FANCC: variants seen among roughly 807,000 people sequenced by gnomAD.
FANCC encodes the protein Fanconi anemia group C protein.
In FANCC, 55 loss-of-function variants were observed where a neutral mutation model predicts 71.3. That is an observed-to-expected ratio of 0.77 (90% CI 0.62 to 0.97). FANCC has a LOEUF of 0.97. Ranked by LOEUF, FANCC falls within the 50% of genes least tolerant of loss-of-function variation. The probability of loss-of-function intolerance (pLI) is 0.00; values close to 1 mark genes in which losing one functional copy is unlikely to be tolerated. For synonymous variants in FANCC, 275 were observed against 244.9 expected (o/e 1.12, Z -1.15); for missense variants, 678 against 670.9 (o/e 1.01, Z -0.12).
At position 95,317,309 on chromosome 9, in the gene FANCC, T is replaced by TCCCGCC. The variant is rs1554876563; in HGVS notation, c.-79+216_-79+217insGGCGGG. 6,554 of 29,962 alleles carry TCCCGCC rather than the reference T, an allele frequency of 0.22. 305 individuals are homozygous for TCCCGCC. Among genetic ancestry groups the TCCCGCC allele is most frequent in the African/African-American group, 0.36 (3,925 of 10,918 alleles). 1.9% of individuals were successfully genotyped at this position (29,962 alleles called of 1,614,324 possible). A position where few individuals can be genotyped will look rare whatever the true frequency, so the allele number is the denominator to read the frequency against. ...CCGCGGGCTGGCACCGCCCGCCACC[T>TCCCGCC]TCCGCCTCCCGCCTCCCGCCTCCCG... On this transcript the variant is annotated intron_variant, in intron 1 of 14. Coordinates refer to ENST00000289081, the MANE Select transcript of FANCC (RefSeq NM_000136.3).
chr9:95,193,341 A>G (rs1827225322), intron 4 of FANCC, among the ~76,000 whole-genome samples: 1 of 152,126 alleles, frequency 6.6e-6, no homozygotes, highest in South Asian at 2.1e-4. Flanking sequence ...CCCAGACTCT[A>G]GCTAGGCCAT....
intron 7 of FANCC, among the ~76,000 whole-genome samples, chr9:95,135,861 G>A (rs1224945636): frequency 2.0e-5 from 3 of 152,170 alleles, no homozygotes; most frequent in Non-Finnish European, 4.4e-5. Context: ...GTTCAAACAC[G>A]CGTAATCATG....
Position 95,144,294 on chromosome 9 carries a change from T to C in FANCC, c.686+5629A>G, listed in dbSNP as rs143781451. Among the ~76,000 whole-genome samples, 468 of 152,324 alleles carry C rather than the reference T, an allele frequency of 3.1e-3. 4 individuals are homozygous for C. Among genetic ancestry groups the C allele is most frequent in the African/African-American group, 0.01 (432 of 41,562 alleles). ...AACTTGCTGAGCTGAAGCCACAGGATTTGGACACACTGAAGACCACCCAGC... is the reference window on the plus strand; with the variant it reads ...AACTTGCTGAGCTGAAGCCACAGGACTTGGACACACTGAAGACCACCCAGC... On this transcript the variant is annotated intron_variant, in intron 7 of 14. Coordinates refer to ENST00000289081, the MANE Select transcript of FANCC (RefSeq NM_000136.3).
chr9:95,196,350 C>T (rs991196900), intron 4 of FANCC, among the ~76,000 whole-genome samples: 27 of 152,028 alleles, frequency 1.8e-4, no homozygotes, highest in Non-Finnish European at 3.4e-4. Flanking sequence ...TTTCCTGCAT[C>T]AATTGATATA....
chr9:95,223,918 G>A (rs1564769102), intron 4 of FANCC, among the ~76,000 whole-genome samples: 2 of 152,128 alleles, frequency 1.3e-5, no homozygotes, highest in Non-Finnish European at 2.9e-5. Context: ...CAGAAGTGGT[G>A]GTGAGCCAAG....
At chr9:95,148,341 AC>A (rs1829841781) in intron 7 of FANCC, among the ~76,000 whole-genome samples, 1 of 152,174 alleles carries the variant, frequency 6.6e-6, no homozygotes, top group African/African-American at 2.4e-5. Context: ...GGCTCACTTG[AC>A]CACTTTTTGT....
At chr9:95,198,742 G>A (rs1298735124) in intron 4 of FANCC, among the ~76,000 whole-genome samples, 1 of 152,062 alleles carries the variant, frequency 6.6e-6, no homozygotes, top group East Asian at 1.9e-4. Context: ...TTTTGTGTGT[G>A]TGGGGGAGGG....
intron 1 of FANCC, among the ~76,000 whole-genome samples, chr9:95,250,485 C>T (rs1169563617): frequency 1.3e-5 from 2 of 152,090 alleles, no homozygotes; most frequent in Admixed American, 6.5e-5. Context: ...TTTTAAAATA[C>T]CTAAAAAATG....
intron 8 of FANCC, 85 bp downstream of exon 8, chr9:95,135,261 C>T (rs1827505571): frequency 3.8e-6 from 5 of 1,300,346 alleles, no homozygotes; most frequent in Admixed American, 3.4e-5. Context: ...TTGTTTACAT[C>T]CCCCCCTTTC....
At chr9:95,171,459 G>GAA (rs766110813) in intron 5 of FANCC, among the ~76,000 whole-genome samples, 3 of 129,982 alleles carry the variant, frequency 2.3e-5, no homozygotes, top group Admixed American at 7.7e-5. Flanking sequence ...CAGTTCATTT[G>GAA]AAAAAAAAAA....
chr9:95,111,060 C>T, intron 13 of FANCC: 1 of 1,483,778 alleles, frequency 6.7e-7, no homozygotes, highest in Admixed American at 2.2e-5. Context: ...CCTGGCCGGG[C>T]TGCTGGGGAG....
At chr9:95,244,700 A>AC (rs1830846391) in intron 3 of FANCC, among the ~76,000 whole-genome samples, 1 of 149,574 alleles carries the variant, frequency 6.7e-6, no homozygotes, top group Admixed American at 6.6e-5. Flanking sequence ...AAAAAAAAAA[A>AC]AAAAAAAAAA....
chr9:95,117,906 G>A (rs892641692), intron 10 of FANCC, among the ~76,000 whole-genome samples: 1 of 152,094 alleles, frequency 6.6e-6, no homozygotes, highest in African/African-American at 2.4e-5. Context: ...CTTTTTAGTA[G>A]AGACAGAGTT....
intron 4 of FANCC, among the ~76,000 whole-genome samples, chr9:95,236,008 T>C (rs1830301218): frequency 6.6e-6 from 1 of 152,138 alleles, no homozygotes; most frequent in Admixed American, 6.5e-5. Flanking sequence ...TGTTAGATTT[T>C]TTAATTTATA....
chr9:95,317,417 G>T (rs1322886421), intron 1 of FANCC, 109 bp downstream of exon 1: 1 of 152,672 alleles, frequency 6.5e-6, no homozygotes, highest in Non-Finnish European at 1.5e-5. Flanking sequence ...GCTCTCGCGA[G>T]CCTTCCCTCT....
intron 4 of FANCC, among the ~76,000 whole-genome samples, chr9:95,175,102 C>A (rs954294381): frequency 2.0e-5 from 3 of 152,082 alleles, no homozygotes; most frequent in Non-Finnish European, 2.9e-5. Flanking sequence ...TCCTTTTGTG[C>A]AGATCATGTA....
chr9:95,118,738 G>A (rs187665874), intron 10 of FANCC, among the ~76,000 whole-genome samples: 59 of 152,314 alleles, frequency 3.9e-4, no homozygotes, highest in Middle Eastern at 3.4e-3. Flanking sequence ...TATTGTGTGC[G>A]AGTAGATCAT....
At chr9:95,235,507 T>C (rs948318069) in intron 4 of FANCC, among the ~76,000 whole-genome samples, 2 of 152,180 alleles carry the variant, frequency 1.3e-5, no homozygotes, top group Admixed American at 6.5e-5. Flanking sequence ...GAAGATAATA[T>C]GGAAGATCTT....
At chr9:95,215,871 C>T (rs1828835033) in intron 4 of FANCC, among the ~76,000 whole-genome samples, 1 of 152,112 alleles carries the variant, frequency 6.6e-6, no homozygotes, top group Non-Finnish European at 1.5e-5. Context: ...CCAGTGGAGG[C>T]CAATTACATT....
Sources: gnomAD v4.1 joint callset for allele counts (sites outside exome capture counted in the v4.1 genomes callset) on GRCh38, gnomAD v4.1.1 for gene constraint, MANE v1.5 for transcripts, NCBI Gene and HGNC (gene_info 2026-07-23, HGNC 2026-07-21) for gene names.